The following SP4 variants were observed in gnomAD, a reference collection of about 807,000 sequenced individuals.
SP4 encodes the protein Sp4 transcription factor.
SP4 carries 19 observed loss-of-function variants against 72.8 expected under a neutral mutation model. That is an observed-to-expected ratio of 0.26 (90% CI 0.18 to 0.38). The LOEUF (loss-of-function observed/expected upper bound fraction) is 0.38. SP4 is among the 10% of genes least tolerant of loss of function. SP4 has a pLI of 1.00. For missense variants in SP4, 1,008 were observed against 926.3 expected (o/e 1.09, Z -1.14); for synonymous variants, 395 against 333.1 (o/e 1.19, Z -2.02).
chr7:21,443,380 T>TG (rs1314425653), intron 3 of SP4, among the ~76,000 whole-genome samples: 1 of 152,204 alleles, frequency 6.6e-6, no homozygotes, highest in Non-Finnish European at 1.5e-5. Flanking sequence ...AATTTAAATC[T>TG]GATTGCTTCA....
At position 21,501,120 on chromosome 7, in the gene SP4, C is replaced by T. The variant is rs1054921041; in HGVS notation, c.2108-9902C>T. ...GACATCATCCAAGTTTCATTATCCC[C>T]CTAATAAGGGTGTAATCTTCCCTTC... On this transcript the variant is annotated intron_variant, in intron 5 of 5. Transcript: ENST00000222584. Among the ~76,000 whole-genome samples the T allele has an allele frequency of 2.0e-5, 3 of 152,262 alleles. No homozygotes were observed. In the East Asian group the frequency reaches 5.8e-4, roughly 29 times the overall value.
At chr7:21,449,941 G>T (rs1412033630) in intron 3 of SP4, among the ~76,000 whole-genome samples, 3 of 152,104 alleles carry the variant, frequency 2.0e-5, no homozygotes, top group African/African-American at 7.2e-5. Flanking sequence ...CGGTTGCTAG[G>T]TAATTGTTCC....
In SP4 at chr7:21,430,609, A is replaced by G; in HGVS notation, c.1444A>G (p.Asn482Asp). ...GGTTCAGAATATTCAGAGTCTTTCA[A>G]ATTTGCAAGTTCAGAATGCTGGGTT... ...VQVQNIQSLSNLQVQNAGLSQ... is the reference protein window; with the variant it reads ...VQVQNIQSLSDLQVQNAGLSQ... Residue 482 changes from asparagine (N) to aspartate (D), a missense_variant, in exon 3 of 6, where the codon AAT (asparagine) becomes GAT (aspartate). Coordinates refer to ENST00000222584, the MANE Select transcript of SP4 (RefSeq NM_003112.5). 1.2e-6 allele frequency: 2 copies of G among 1,614,218 alleles called. No homozygotes were observed. Among genetic ancestry groups the G allele is most frequent in the Non-Finnish European group, 1.7e-6 (2 of 1,180,040 alleles).
chr7:21,500,494 T>A (rs1781836622), intron 5 of SP4, among the ~76,000 whole-genome samples: 1 of 152,174 alleles, frequency 6.6e-6, no homozygotes, highest in Admixed American at 6.5e-5. Context: ...AAATCAAGGC[T>A]TTGGCAGGAC....
intron 5 of SP4, among the ~76,000 whole-genome samples, chr7:21,506,560 G>A (rs1005173100): frequency 6.6e-6 from 1 of 152,028 alleles, no homozygotes; most frequent in Non-Finnish European, 1.5e-5. Flanking sequence ...AGTCTTTTCT[G>A]ACTACCTCTT....
intron 3 of SP4, among the ~76,000 whole-genome samples, chr7:21,456,851 C>T (rs1783781086): frequency 2.0e-5 from 3 of 152,168 alleles, no homozygotes; most frequent in Non-Finnish European, 1.5e-5. Flanking sequence ...TGATGTAGAC[C>T]CCAAGGTCTT....
intron 5 of SP4, among the ~76,000 whole-genome samples, chr7:21,486,645 A>G (rs1434247293): frequency 1.3e-5 from 2 of 152,178 alleles, no homozygotes; most frequent in Non-Finnish European, 2.9e-5. Context: ...CTCTTATCAT[A>G]TAAGAGGAAG....
chr7:21,457,511 A>G (rs911007908), intron 3 of SP4, among the ~76,000 whole-genome samples: 2 of 152,192 alleles, frequency 1.3e-5, no homozygotes, highest in African/African-American at 4.8e-5. Context: ...ATTTGGTTCC[A>G]TTTTTTATAC....
intron 5 of SP4, chr7:21,482,591 C>T: frequency 1.1e-6 from 1 of 895,926 alleles, no homozygotes; most frequent in Non-Finnish European, 1.3e-6. Context: ...ATTATATTTT[C>T]TGCTTTTTTT....
chr7:21,494,075 G>A (rs1785046452), intron 5 of SP4, among the ~76,000 whole-genome samples: 1 of 152,082 alleles, frequency 6.6e-6, no homozygotes, highest in Admixed American at 6.6e-5. Context: ...TAAATATTTG[G>A]CAAAATTCTG....
At position 21,429,539 on chromosome 7, in the gene SP4, C is replaced by T; in HGVS notation, c.374C>T (p.Ser125Phe). The T allele has an allele frequency of 1.2e-6, 2 of 1,614,198 alleles. No individual in the cohort carries two copies. Among genetic ancestry groups the T allele is most frequent in the Middle Eastern group, 1.6e-4 (1 of 6,062 alleles). ...NNVSQPASSSSSSSSSNNGSA... is the reference protein window; with the variant it reads ...NNVSQPASSSFSSSSSNNGSA... ...GTTTCTCAACCAGCCTCTAGTTCGT[C>T]TAGTTCTTCCAGCAGTAATAACGGG... Residue 125 changes from serine (S) to phenylalanine (F), a missense_variant, in exon 3 of 6, where the codon TCT becomes TTT. Coordinates refer to ENST00000222584, the MANE Select transcript of SP4 (RefSeq NM_003112.5).
chr7:21,428,472 G>C (rs1243171595), intron 1 of SP4, among the ~76,000 whole-genome samples: 1 of 152,138 alleles, frequency 6.6e-6, no homozygotes, highest in African/African-American at 2.4e-5. Flanking sequence ...CTCTGGAGCC[G>C]ATGGGTCGGG....
chr7:21,497,626 G>T (rs1204614992), intron 5 of SP4, among the ~76,000 whole-genome samples: 1 of 152,176 alleles, frequency 6.6e-6, no homozygotes, highest in Non-Finnish European at 1.5e-5. Context: ...ATAAGGATTA[G>T]AATGATCCTT....
chr7:21,454,354 A>T (rs1234086727), intron 3 of SP4, among the ~76,000 whole-genome samples: 1 of 64,656 alleles, frequency 1.5e-5, no homozygotes, highest in Admixed American at 1.4e-4. Flanking sequence ...CCTTTTACTA[A>T]CTTTTTTTTT....
At chr7:21,454,836 T>C (rs1783712777) in intron 3 of SP4, among the ~76,000 whole-genome samples, 1 of 152,208 alleles carries the variant, frequency 6.6e-6, no homozygotes, top group African/African-American at 2.4e-5. Flanking sequence ...GCACCCATCT[T>C]TGAAAGTAAG....
At chr7:21,443,139 T>C (rs1389521311) in intron 3 of SP4, among the ~76,000 whole-genome samples, 2 of 152,174 alleles carry the variant, frequency 1.3e-5, no homozygotes, top group African/African-American at 2.4e-5. Context: ...GTGTTATATA[T>C]GTAAGTATGT....
rs1356444461 is a variant in SP4 at position 21,477,270 on chromosome 7, G to A, written c.1870G>A (p.Ala624Thr). 30 of 1,613,752 alleles carry A rather than the reference G, an allele frequency of 1.9e-5. No homozygotes were observed. The highest frequency in any genetic ancestry group is 2.5e-5 in the Non-Finnish European group (29 of 1,179,804). Residue 624 changes from alanine to threonine, a missense_variant, in exon 4 of 6, where the codon GCC (alanine) becomes ACC (threonine). Ala to Thr is a moderately conservative substitution (Grantham distance 58, BLOSUM62 0). Transcript: ENST00000222584. Reference protein sequence around the residue: ...VQPGKRLRRVACSCPNCREGE... With the variant: ...VQPGKRLRRVTCSCPNCREGE... Reference sequence around the variant, plus strand: ...ACCTGGCAAGAGGCTTCGAAGAGTTGCCTGTTCCTGTCCTAATTGTAGGGA... The same window carrying A: ...ACCTGGCAAGAGGCTTCGAAGAGTTACCTGTTCCTGTCCTAATTGTAGGGA...
rs1386543777 is a variant in SP4 at position 21,502,172 on chromosome 7, C to T, written c.2108-8850C>T. Among the ~76,000 whole-genome samples, 5 of 151,794 alleles carry T rather than the reference C, an allele frequency of 3.3e-5. No homozygotes were observed. The East Asian group carries it at 7.7e-4, about 24-fold the overall frequency. ...GGAATACCAGGATGAAGGGAATGGC[C>T]AACTGGACTAAAGCACAAGTCCCAG... is the stretch of plus-strand genomic sequence containing the variant. On this transcript the variant is annotated intron_variant, in intron 5 of 5. Coordinates refer to ENST00000222584, the MANE Select transcript of SP4 (RefSeq NM_003112.5).
chr7:21,474,582 T>A (rs7799715), intron 3 of SP4, among the ~76,000 whole-genome samples: 7,667 of 152,298 alleles, frequency 0.05, 250 homozygotes, highest in East Asian at 0.098. Flanking sequence ...AACAAAATAA[T>A]TATACCTTTT....
Sources: allele counts gnomAD v4.1 joint callset (sites outside exome capture counted in the v4.1 genomes callset), GRCh38; gene constraint gnomAD v4.1.1; transcripts MANE v1.5; gene names NCBI Gene and HGNC (gene_info 2026-07-23, HGNC 2026-07-21).